The following HARBI1 variants were observed in gnomAD, a reference collection of about 807,000 sequenced individuals.
HARBI1 encodes putative nuclease HARBI1.
In HARBI1, 15 loss-of-function variants were observed where a neutral mutation model predicts 25.3. The observed-to-expected ratio is 0.59, with a 90% CI of 0.40 to 0.91. The LOEUF is 0.91. Ranked by LOEUF, HARBI1 falls within the 40% of genes least tolerant of loss-of-function variation. HARBI1 has a pLI of 0.00. For synonymous variants in HARBI1, 168 were observed against 160.5 expected, an observed-to-expected ratio of 1.05 and a Z score of -0.35; for missense variants, 396 against 445.8, an observed-to-expected ratio of 0.89 and a Z score of 1.01.
chr11:46,616,333 TCC>T lies in HARBI1; in HGVS notation c.-98_-97del. On this transcript the variant is annotated 5_prime_UTR_variant, in exon 2 of 3. Coordinates refer to ENST00000326737, the MANE Select transcript of HARBI1 (RefSeq NM_173811.4). The stretch of plus-strand genomic sequence containing the variant: ...ACGTATTTTTAAGAAAGTATCAGAA[TCC>T]AACAGCTAACCACAGTTAAATGGCT... 1 of 1,505,176 alleles carries T rather than the reference TCC, an allele frequency of 6.6e-7. No individual in the cohort carries two copies. Among genetic ancestry groups the T allele is most frequent in the Non-Finnish European group, 8.8e-7 (1 of 1,136,622 alleles). 93.2% of individuals were successfully genotyped at this position (1,505,176 alleles called of 1,614,324 possible).
chr11:46,609,448 G>A (rs2045088143), intron 2 of HARBI1, among the ~76,000 whole-genome samples: 1 of 152,054 alleles, frequency 6.6e-6, no homozygotes, highest in African/African-American at 2.4e-5. Context: ...CCAGGATCAA[G>A]CAATTCTCCT....
intron 2 of HARBI1, among the ~76,000 whole-genome samples, chr11:46,613,248 G>A (rs1231728751): frequency 6.6e-6 from 1 of 152,032 alleles, no homozygotes; most frequent in South Asian, 2.1e-4. Flanking sequence ...GTCTCCTGAA[G>A]TGCTGAGATT....
intron 2 of HARBI1, among the ~76,000 whole-genome samples, chr11:46,611,544 T>C (rs1176128297): frequency 6.6e-6 from 1 of 151,200 alleles, no homozygotes; most frequent in Non-Finnish European, 1.5e-5. Context: ...AACGCCAGCT[T>C]TACCAAAAAT....
At chr11:46,605,153 T>C (rs1459192099) in intron 2 of HARBI1, among the ~76,000 whole-genome samples, 3 of 152,216 alleles carry the variant, frequency 2.0e-5, no homozygotes, top group Non-Finnish European at 2.9e-5. Context: ...TAAATAGTTC[T>C]GGACTGTTCA....
chr11:46,604,033 C>T (rs763461678), intron 2 of HARBI1, 124 bp from the exon 3 acceptor site: 9 of 1,413,634 alleles, frequency 6.4e-6, no homozygotes, highest in Middle Eastern at 2.6e-4. Flanking sequence ...CCAAAGCACA[C>T]TAGAAAAACC....
chr11:46,608,360 T>C (rs551200438), intron 2 of HARBI1, among the ~76,000 whole-genome samples: 2 of 152,262 alleles, frequency 1.3e-5, no homozygotes, highest in African/African-American at 4.8e-5. Flanking sequence ...TCTTTTAACA[T>C]CTTGTCATTC....
intron 2 of HARBI1, among the ~76,000 whole-genome samples, chr11:46,610,177 A>G (rs1424159616): frequency 6.6e-6 from 1 of 151,912 alleles, no homozygotes; most frequent in East Asian, 1.9e-4. Flanking sequence ...AAAATTAGCC[A>G]GGCATGATGG....
In HARBI1 at chr11:46,603,347, T is replaced by C; in HGVS notation, c.*183A>G. On this transcript the variant is annotated 3_prime_UTR_variant, in exon 3 of 3. Coordinates refer to ENST00000326737, the MANE Select transcript of HARBI1 (RefSeq NM_173811.4). ...TCTTGGTTTCAGTTTAATTAATGCA[T>C]ATGCAAATGAATCAAGATATTCTGG... The C allele has an allele frequency of 1.7e-6, 1 of 574,508 alleles. No homozygotes were observed. 35.6% of individuals were successfully genotyped at this position (574,508 alleles called of 1,614,324 possible).
chr11:46,605,883 A>G (rs183099081), intron 2 of HARBI1, among the ~76,000 whole-genome samples: 3 of 148,610 alleles, frequency 2.0e-5, no homozygotes, highest in Non-Finnish European at 4.5e-5. Flanking sequence ...CACCGCACCC[A>G]GTTTTTTGTT....
Position 46,616,831 on chromosome 11 carries a change from C to CAAAAAAAA in HARBI1, c.-145+285_-145+292dup. ...ACCAGTCTAACAAGAAAAGAAGGGG[C>CAAAAAAAA]AAAAAAAAAAAAAAAAAAAAAAAAA... On this transcript the variant is annotated intron_variant, in intron 1 of 2. Transcript: ENST00000326737. The CAAAAAAAA allele has an allele frequency of 9.2e-3, 5,543 of 602,688 alleles. 20 individuals are homozygous for CAAAAAAAA. The highest frequency in any genetic ancestry group is 0.023 in the African/African-American group (345 of 14,782). The allele number at this position is 602,688 out of a possible 1,614,324, so 37.3% of individuals were successfully genotyped here. A position where few individuals can be genotyped will look rare whatever the true frequency, so the allele number is the denominator to read the frequency against.
upstream of HARBI1, chr11:46,617,739 C>A: frequency 2.5e-6 from 1 of 398,500 alleles, no homozygotes; most frequent in Non-Finnish European, 4.4e-6. Context: ...GAGCCAGGAC[C>A]CTTCTGAAGC....
chr11:46,609,014 C>A (rs2045070227), intron 2 of HARBI1, among the ~76,000 whole-genome samples: 1 of 151,460 alleles, frequency 6.6e-6, no homozygotes, highest in African/African-American at 2.4e-5. Context: ...ACCTCCGCCT[C>A]CCAGGTTCAA....
rs199911173 is a variant in HARBI1 at position 46,603,226 on chromosome 11, A to G, written c.*304T>C. ...TTGTCTTGAACTCCTGACCTTTACT[A>G]TGACTTTGTAGGCACAGTCATAAAT... On this transcript the variant is annotated 3_prime_UTR_variant, in exon 3 of 3. Coordinates refer to ENST00000326737, the MANE Select transcript of HARBI1 (RefSeq NM_173811.4). 1.6e-4 allele frequency: 32 copies of G among 205,494 alleles called. No individual in the cohort carries two copies. The East Asian group carries it at 3.2e-3, about 21-fold the overall frequency. 12.7% of individuals were successfully genotyped at this position (205,494 alleles called of 1,614,324 possible). A position where few individuals can be genotyped will look rare whatever the true frequency, so the allele number is the denominator to read the frequency against.
At chr11:46,615,065 A>T (rs1054337239) in intron 2 of HARBI1, among the ~76,000 whole-genome samples, 2 of 151,868 alleles carry the variant, frequency 1.3e-5, no homozygotes, top group South Asian at 2.1e-4. Flanking sequence ...GGCATGCGCT[A>T]CTACGCCCGG....
At chr11:46,605,913 G>C (rs1284753660) in intron 2 of HARBI1, among the ~76,000 whole-genome samples, 1 of 151,072 alleles carries the variant, frequency 6.6e-6, no homozygotes, top group African/African-American at 2.4e-5. Flanking sequence ...GTTTTTTTGA[G>C]AGTCTCACTC....
At chr11:46,611,801 T>A (rs570481609) in intron 2 of HARBI1, among the ~76,000 whole-genome samples, 4 of 151,188 alleles carry the variant, frequency 2.6e-5, no homozygotes, top group Non-Finnish European at 5.9e-5. Context: ...ACAGAAGAAA[T>A]GGCCAGATGA....
chr11:46,606,012 A>G (rs943084593), intron 2 of HARBI1, among the ~76,000 whole-genome samples: 4 of 150,404 alleles, frequency 2.7e-5, no homozygotes, highest in African/African-American at 9.8e-5. Context: ...CACCTTACCA[A>G]GTAGCTGGGA....
At position 46,616,361 on chromosome 11, in the gene HARBI1, C is replaced by T; in HGVS notation, c.-124G>A. 1 of 1,467,988 alleles carries T rather than the reference C, an allele frequency of 6.8e-7. No individual in the cohort carries two copies. The highest frequency in any genetic ancestry group is 8.9e-7 in the Non-Finnish European group (1 of 1,118,864). The allele number at this position is 1,467,988 out of a possible 1,614,324, so 90.9% of individuals were successfully genotyped here. ...AACAGCTAACCACAGTTAAATGGCT[C>T]TGCCATTTATAATCTTCTCTCTGTA... On this transcript the variant is annotated 5_prime_UTR_variant, in exon 2 of 3. Coordinates refer to ENST00000326737, the MANE Select transcript of HARBI1 (RefSeq NM_173811.4).
intron 2 of HARBI1, chr11:46,604,763 A>G: frequency 1.1e-6 from 1 of 923,170 alleles, no homozygotes; most frequent in Non-Finnish European, 1.3e-6. Context: ...TACTAGAACC[A>G]TGCCTTTGTA....
Sources: allele counts gnomAD v4.1 joint callset (sites outside exome capture counted in the v4.1 genomes callset), GRCh38; gene constraint gnomAD v4.1.1; transcripts MANE v1.5; gene names NCBI Gene and HGNC (gene_info 2026-07-23, HGNC 2026-07-21).